The following NUMB variants were observed in gnomAD, a reference collection of about 807,000 sequenced individuals.
NUMB encodes NUMB endocytic adaptor protein.
NUMB carries 29 observed loss-of-function variants against 59.7 expected under a neutral mutation model. The observed-to-expected ratio is 0.49, with a 90% confidence interval of 0.36 to 0.66. NUMB has a LOEUF of 0.66. Ranked by LOEUF, NUMB falls within the 30% of genes least tolerant of loss-of-function variation. The pLI is 0.00. For missense variants in NUMB, 723 were observed against 822.0 expected, an observed-to-expected ratio of 0.88 and a Z score of 1.47; for synonymous variants, 288 against 288.2, an observed-to-expected ratio of 1.00 and a Z score of 0.01.
chr14:73,340,630 C>A (rs939771551), intron 4 of NUMB, among the ~76,000 whole-genome samples: 2 of 152,290 alleles, frequency 1.3e-5, no homozygotes, highest in Non-Finnish European at 2.9e-5. Context: ...TAAATATCTG[C>A]TAAATACATC....
chr14:73,339,802 A>G (rs1302047739), intron 4 of NUMB, among the ~76,000 whole-genome samples: 1 of 152,146 alleles, frequency 6.6e-6, no homozygotes, highest in African/African-American at 2.4e-5. Context: ...AGAACTGGCA[A>G]AGGCTATTTA....
chr14:73,423,217 T>G (rs1279622244), intron 1 of NUMB, among the ~76,000 whole-genome samples: 1 of 151,934 alleles, frequency 6.6e-6, no homozygotes, highest in East Asian at 1.9e-4. Context: ...GACTCTTGAT[T>G]GGCCGGGTGC....
At chr14:73,420,593 G>A (rs553012607) in intron 1 of NUMB, among the ~76,000 whole-genome samples, 3 of 152,168 alleles carry the variant, frequency 2.0e-5, no homozygotes, top group Non-Finnish European at 2.9e-5. Context: ...GCCAACGCAC[G>A]CGGATTGCTT....
At chr14:73,453,926 G>A (rs1208725012) in intron 1 of NUMB, among the ~76,000 whole-genome samples, 2 of 151,918 alleles carry the variant, frequency 1.3e-5, no homozygotes, top group Non-Finnish European at 1.5e-5. Flanking sequence ...AATTTTCTTT[G>A]CCACTAAAGG....
At chr14:73,338,810 T>A (rs1164994138) in intron 4 of NUMB, among the ~76,000 whole-genome samples, 1 of 152,228 alleles carries the variant, frequency 6.6e-6, no homozygotes, top group Non-Finnish European at 1.5e-5. Context: ...GACATCTGAA[T>A]GTCCTACTGG....
intron 6 of NUMB, among the ~76,000 whole-genome samples, chr14:73,303,832 G>T (rs1594884698): frequency 6.6e-6 from 1 of 152,040 alleles, no homozygotes; most frequent in Admixed American, 6.6e-5. Context: ...CAGAACTTTA[G>T]TAACTTGGAA....
intron 11 of NUMB, among the ~76,000 whole-genome samples, chr14:73,281,918 C>G (rs1888658689): frequency 6.6e-6 from 1 of 152,146 alleles, no homozygotes; most frequent in Non-Finnish European, 1.5e-5. Context: ...AGTAACACCC[C>G]CAACCCCCAA....
intron 4 of NUMB, among the ~76,000 whole-genome samples, chr14:73,354,035 C>T (rs1173266185): frequency 6.6e-6 from 1 of 152,048 alleles, no homozygotes; most frequent in African/African-American, 2.4e-5. Context: ...TATTAAAAGA[C>T]TGTGGAAAAA....
intron 1 of NUMB, among the ~76,000 whole-genome samples, chr14:73,435,574 G>A (rs534585614): frequency 1.1e-4 from 16 of 151,282 alleles, no homozygotes; most frequent in East Asian, 2.0e-4. Flanking sequence ...GCACCCAGCC[G>A]GCAATTTCTT....
intron 4 of NUMB, among the ~76,000 whole-genome samples, chr14:73,340,585 T>C (rs1306749218): frequency 1.3e-5 from 2 of 152,236 alleles, no homozygotes; most frequent in African/African-American, 4.8e-5. Context: ...GTATTTGCAG[T>C]ACTTAGAACA....
chr14:73,357,648 A>G (rs1399938514), intron 3 of NUMB, among the ~76,000 whole-genome samples: 2 of 151,996 alleles, frequency 1.3e-5, no homozygotes, highest in Non-Finnish European at 2.9e-5. Context: ...CTGTAATCCC[A>G]GCTACTCAGG....
chr14:73,376,529 GA>G (rs61101874), intron 2 of NUMB, among the ~76,000 whole-genome samples: 44,331 of 141,266 alleles, frequency 0.31, 7,631 homozygotes, highest in African/African-American at 0.48. Context: ...AGTTTATATG[GA>G]AAAAAAAAAA....
chr14:73,368,276 T>C (rs1459957045), intron 2 of NUMB, among the ~76,000 whole-genome samples: 1 of 152,146 alleles, frequency 6.6e-6, no homozygotes, highest in Non-Finnish European at 1.5e-5. Context: ...TATTCAAGGT[T>C]AGAAACACAG....
At chr14:73,302,598 G>A (rs1172660116) in intron 6 of NUMB, among the ~76,000 whole-genome samples, 1 of 151,828 alleles carries the variant, frequency 6.6e-6, no homozygotes, top group Non-Finnish European at 1.5e-5. Flanking sequence ...TTTTGGTAGA[G>A]ATGAGGTTTC....
intron 6 of NUMB, among the ~76,000 whole-genome samples, chr14:73,310,471 A>C (rs1035901714): frequency 6.6e-6 from 1 of 152,182 alleles, no homozygotes; most frequent in Non-Finnish European, 1.5e-5. Context: ...TCTGCATTAG[A>C]CACTTCTCCA....
chr14:73,279,365 G>A lies in NUMB; in HGVS notation c.1156C>T (p.Pro386Ser). ...GTTTCACGCACAGGCATTGCTACGG[G>A]TGCTAGAGCAGTATGGGCTGGCTTA... The part of the protein sequence containing the change: ...LAKPAHTALA[P>S]VAMPVRETNP... The change falls in exon 12 of 13, where the codon CCC (proline) becomes TCC (serine). Residue 386 changes from proline to serine, a missense_variant. Coordinates refer to ENST00000555238, the MANE Select transcript of NUMB (RefSeq NM_001005743.2). The A allele has an allele frequency of 1.2e-6, 2 of 1,612,332 alleles. No homozygotes were observed. The highest frequency in any genetic ancestry group is 1.7e-4 in the Middle Eastern group (1 of 6,048).
intron 1 of NUMB, among the ~76,000 whole-genome samples, chr14:73,422,684 G>C (rs1289863057): frequency 6.6e-6 from 1 of 151,830 alleles, no homozygotes; most frequent in East Asian, 1.9e-4. Flanking sequence ...CAGGGGAAAG[G>C]GGGTGGGGAC....
At chr14:73,300,672 C>T (rs1036988423) in intron 6 of NUMB, among the ~76,000 whole-genome samples, 5 of 152,146 alleles carry the variant, frequency 3.3e-5, no homozygotes, top group Admixed American at 1.3e-4. Context: ...GAAGATTAAA[C>T]GAATTAATGT....
At chr14:73,399,102 T>A (rs12883062) in intron 2 of NUMB, among the ~76,000 whole-genome samples, 34,894 of 152,144 alleles carry the variant, frequency 0.23, 4,068 homozygotes, top group Non-Finnish European at 0.25. Flanking sequence ...TAATTCCTTT[T>A]TTTGATCAAA....
Sources: gnomAD v4.1 joint callset for allele counts (sites outside exome capture counted in the v4.1 genomes callset) on GRCh38, gnomAD v4.1.1 for gene constraint, MANE v1.5 for transcripts, NCBI Gene and HGNC (gene_info 2026-07-23, HGNC 2026-07-21) for gene names.